Variants in FRMD5 observed in about 807,000 individuals in gnomAD.
FRMD5 encodes FERM domain containing 5.
FRMD5 carries 20 observed loss-of-function variants against 69.0 expected under a neutral mutation model. The observed-to-expected ratio is 0.29, with a 90% CI of 0.20 to 0.42. The LOEUF is 0.42. FRMD5 is among the 10% of genes least tolerant of loss of function. The pLI is 1.00. For missense variants in FRMD5, 595 were observed against 708.6 expected, an observed-to-expected ratio of 0.84 and a Z score of 1.82; for synonymous variants, 271 against 260.1, an observed-to-expected ratio of 1.04 and a Z score of -0.40.
At chr15:43,984,392 C>G (rs1889283939) in intron 1 of FRMD5, among the ~76,000 whole-genome samples, 1 of 152,198 alleles carries the variant, frequency 6.6e-6, no homozygotes, top group African/African-American at 2.4e-5. Flanking sequence ...ACCTAAGCCC[C>G]CAGTGGACAG....
At chr15:44,140,057 A>C (rs1422187477) in intron 1 of FRMD5, among the ~76,000 whole-genome samples, 1 of 152,092 alleles carries the variant, frequency 6.6e-6, no homozygotes, top group Non-Finnish European at 1.5e-5. Context: ...GTGTCTATGT[A>C]TATATCCACA....
intron 1 of FRMD5, among the ~76,000 whole-genome samples, chr15:43,967,832 G>C (rs2140565222): frequency 6.6e-6 from 1 of 151,816 alleles, no homozygotes; most frequent in South Asian, 2.1e-4. Context: ...CATGTGTCAT[G>C]ATGGTTTGCT....
At chr15:44,140,575 C>T (rs187241369) in intron 1 of FRMD5, among the ~76,000 whole-genome samples, 240 of 152,022 alleles carry the variant, frequency 1.6e-3, no homozygotes, top group Admixed American at 1.4e-3. Context: ...GCTATCATTG[C>T]TCTCATAAGA....
At chr15:44,009,393 CAT>C (rs1890610563) in intron 1 of FRMD5, among the ~76,000 whole-genome samples, 1 of 152,052 alleles carries the variant, frequency 6.6e-6, no homozygotes, top group African/African-American at 2.4e-5. Flanking sequence ...TTTAAAGTAA[CAT>C]GTGGCTGGGT....
intron 1 of FRMD5, among the ~76,000 whole-genome samples, chr15:44,054,055 T>TA (rs1892772801): frequency 6.6e-6 from 1 of 152,196 alleles, no homozygotes; most frequent in African/African-American, 2.4e-5. Context: ...GTGCATTTTA[T>TA]AAAAAACACT....
chr15:44,090,620 A>G (rs907568138), intron 1 of FRMD5, among the ~76,000 whole-genome samples: 1 of 151,866 alleles, frequency 6.6e-6, no homozygotes, highest in Non-Finnish European at 1.5e-5. Context: ...TTATATTTTT[A>G]GTAGAGATGG....
chr15:43,883,100 T>A (rs547325568), intron 13 of FRMD5, among the ~76,000 whole-genome samples: 2 of 151,890 alleles, frequency 1.3e-5, no homozygotes, highest in East Asian at 3.9e-4. Flanking sequence ...CAGCCCCTTT[T>A]TTTAAAAAAT....
chr15:43,890,123 A>G (rs1430442095), intron 8 of FRMD5, among the ~76,000 whole-genome samples: 1 of 151,008 alleles, frequency 6.6e-6, no homozygotes, highest in Admixed American at 6.6e-5. Context: ...TCCCTCTCAA[A>G]CTCCCTCTCA....
intron 1 of FRMD5, among the ~76,000 whole-genome samples, chr15:43,973,354 T>G (rs1469611305): frequency 6.6e-6 from 1 of 151,802 alleles, no homozygotes; most frequent in Non-Finnish European, 1.5e-5. Context: ...ACTTTCTTGT[T>G]TGCTAATGCT....
At chr15:44,112,429 A>G (rs1159864818) in intron 1 of FRMD5, among the ~76,000 whole-genome samples, 1 of 152,030 alleles carries the variant, frequency 6.6e-6, no homozygotes, top group African/African-American at 2.4e-5. Context: ...CAAAAATGTA[A>G]TAAAAAAGGA....
At chr15:44,152,783 T>C (rs1333422075) in intron 1 of FRMD5, among the ~76,000 whole-genome samples, 1 of 152,194 alleles carries the variant, frequency 6.6e-6, no homozygotes, top group Non-Finnish European at 1.5e-5. Context: ...TTTTGTCTGT[T>C]AAAATTGGCT....
At chr15:44,137,979 T>C (rs2077211589) in intron 1 of FRMD5, among the ~76,000 whole-genome samples, 1 of 152,158 alleles carries the variant, frequency 6.6e-6, no homozygotes, top group African/African-American at 2.4e-5. Flanking sequence ...AGCCACTTGC[T>C]AGCTCAGTGG....
chr15:44,077,636 A>T (rs999552262), intron 1 of FRMD5, among the ~76,000 whole-genome samples: 5 of 152,118 alleles, frequency 3.3e-5, no homozygotes, highest in Non-Finnish European at 7.4e-5. Flanking sequence ...AAAAAATGTG[A>T]TCACTAACAA....
intron 1 of FRMD5, among the ~76,000 whole-genome samples, chr15:44,116,637 G>A (rs1331732941): frequency 1.3e-5 from 2 of 152,194 alleles, no homozygotes; most frequent in East Asian, 3.8e-4. Flanking sequence ...GGGAGAGAGG[G>A]AGAAGGGTCA....
intron 1 of FRMD5, among the ~76,000 whole-genome samples, chr15:44,180,915 A>G (rs1454315829): frequency 6.6e-6 from 1 of 152,254 alleles, no homozygotes; most frequent in Non-Finnish European, 1.5e-5. Flanking sequence ...CTTGAGAATA[A>G]AATATTGACA....
chr15:44,064,937 C>T (rs1305680920), intron 1 of FRMD5, among the ~76,000 whole-genome samples: 1 of 152,166 alleles, frequency 6.6e-6, no homozygotes, highest in Non-Finnish European at 1.5e-5. Flanking sequence ...AAAACATAGA[C>T]AGGATGTCAC....
chr15:43,925,081 T>C (rs960626990), intron 1 of FRMD5, among the ~76,000 whole-genome samples: 4 of 149,458 alleles, frequency 2.7e-5, no homozygotes, highest in African/African-American at 9.9e-5. Context: ...CTTGGCTCAC[T>C]GCAACCTCCA....
rs1167867396 is a variant in FRMD5 at position 43,910,572 on chromosome 15, CAAAAAA to C, written c.330-599_330-594del. ...CTGGGCAATCGGAGAGACCTTGTCTCAAAAAAAAAAAAAAAAAAAAAAAAAAAATTG... is the reference window on the plus strand; with the variant it reads ...CTGGGCAATCGGAGAGACCTTGTCTCAAAAAAAAAAAAAAAAAAAAAATTG... On this transcript the variant is annotated intron_variant, in intron 4 of 13. Transcript: ENST00000417257. Among the ~76,000 whole-genome samples the C allele has an allele frequency of 1.6e-3, 65 of 40,368 alleles. No homozygotes were observed. The East Asian group carries it at 0.043, about 27-fold the overall frequency. 26.5% of individuals were successfully genotyped at this position (40,368 alleles called of 152,430 possible).
rs758963165 is a variant in FRMD5, at chr15:43,885,736, C to G, written c.904G>C (p.Val302Leu). Residue 302 changes from valine (V) to leucine (L), a missense_variant, in exon 11 of 14, where the codon GTC becomes CTC. Physicochemically the swap from Val to Leu is conservative, Grantham distance 32 (BLOSUM62 1). Coordinates refer to ENST00000417257, the MANE Select transcript of FRMD5 (RefSeq NM_032892.5). ...AAATTGCTGCTGGACACTGTGCGGA[C>G]TTGGCTTGACTTCTCCAGCCTGTAG... ...AFYKLEKSSQ[V>L]RTVSSSNLFF... 4.3e-6 allele frequency: 7 copies of G among 1,614,182 alleles called. No individual in the cohort carries two copies. In the South Asian group the frequency reaches 7.7e-5, roughly 18 times the overall value.
Sources: allele counts gnomAD v4.1 joint callset (sites outside exome capture counted in the v4.1 genomes callset), GRCh38; gene constraint gnomAD v4.1.1; transcripts MANE v1.5; gene names NCBI Gene and HGNC (gene_info 2026-07-23, HGNC 2026-07-21).